Variants in TMEM131 observed in about 807,000 individuals in gnomAD.
The protein encoded by TMEM131 is 2610524E03Rik.
Under a neutral mutation model 211.6 loss-of-function variants are expected in TMEM131, and 66 were observed. The observed-to-expected ratio is 0.31, with a 90% CI of 0.26 to 0.38. TMEM131 has a LOEUF of 0.38. Among genes scored for constraint, TMEM131 ranks in the 10% least tolerant of loss-of-function variants. The pLI, the probability that TMEM131 is intolerant of heterozygous loss-of-function variation, is 1.00. For synonymous variants in TMEM131, 844 were observed against 841.3 expected (o/e 1.00, Z -0.06); for missense variants, 2,036 against 2,299.3 (o/e 0.89, Z 2.34).
At chr2:97,985,947 T>TA (rs775947154) in intron 1 of TMEM131, among the ~76,000 whole-genome samples, 253 of 137,618 alleles carry the variant, frequency 1.8e-3, no homozygotes, top group African/African-American at 4.9e-3. Context: ...AGAAACCATT[T>TA]AAAAAAAAAA....
chr2:97,953,444 A>C (rs1439995203), intron 1 of TMEM131, among the ~76,000 whole-genome samples: 2 of 152,244 alleles, frequency 1.3e-5, no homozygotes, highest in African/African-American at 4.8e-5. Flanking sequence ...AGAGACAAAG[A>C]CATTACATAA....
intron 1 of TMEM131, among the ~76,000 whole-genome samples, chr2:97,946,416 A>G (rs1678045575): frequency 6.6e-6 from 1 of 151,998 alleles, no homozygotes; most frequent in African/African-American, 2.4e-5. Context: ...AAGAAATGAG[A>G]GACTGAATAC....
rs1573524635 is a variant in TMEM131 at position 97,895,373 on chromosome 2, T to C, written c.291-7253A>G. Among the ~76,000 whole-genome samples, 11 of 152,104 alleles carry C rather than the reference T, an allele frequency of 7.2e-5. No homozygotes were observed. In the South Asian group the frequency reaches 2.1e-3, roughly 29 times the overall value. On this transcript the variant is annotated intron_variant, in intron 3 of 40. Transcript: ENST00000186436. ...CTGCCAGGTTTTGGATCAGACGATG[T>C]TGGCCTCATAAAATGAGTTAAGGAG... is the stretch of plus-strand genomic sequence containing the variant.
intron 33 of TMEM131, among the ~76,000 whole-genome samples, chr2:97,770,363 G>C (rs1187756674): frequency 6.6e-6 from 1 of 152,226 alleles, no homozygotes; most frequent in Admixed American, 6.5e-5. Context: ...AAGGAGGATA[G>C]AAGAAAGGTT....
At chr2:97,988,383 C>G (rs1020692024) in intron 1 of TMEM131, among the ~76,000 whole-genome samples, 1 of 152,124 alleles carries the variant, frequency 6.6e-6, no homozygotes, top group Non-Finnish European at 1.5e-5. Context: ...GGAAAAAGTT[C>G]ATGACATTGG....
At chr2:97,783,505 A>C (rs1336506749) in intron 31 of TMEM131, among the ~76,000 whole-genome samples, 1 of 152,120 alleles carries the variant, frequency 6.6e-6, no homozygotes, top group Non-Finnish European at 1.5e-5. Context: ...AACTGGGGGA[A>C]AGCAAAGAAA....
intron 1 of TMEM131, among the ~76,000 whole-genome samples, chr2:97,949,548 C>T (rs1411675242): frequency 6.6e-6 from 1 of 152,076 alleles, no homozygotes; most frequent in Non-Finnish European, 1.5e-5. Flanking sequence ...GGCGTGGTGG[C>T]TCACGCCTGT....
chr2:97,809,585 C>T (rs1681457594), intron 19 of TMEM131, 103 bp downstream of exon 19: 3 of 770,334 alleles, frequency 3.9e-6, no homozygotes, highest in Admixed American at 2.3e-5. Context: ...AAATAAATGA[C>T]TAATAAAGAA....
Position 97,795,089 on chromosome 2 carries a change from C to G in TMEM131, c.3227G>C (p.Arg1076Thr). 1 of 1,612,808 alleles carries G rather than the reference C, an allele frequency of 6.2e-7. No homozygotes were observed. Among genetic ancestry groups the G allele is most frequent in the Non-Finnish European group, 8.5e-7 (1 of 1,179,412 alleles). The change falls in exon 29 of 41, where the codon AGA (arginine) becomes ACA (threonine). Residue 1076 changes from arginine to threonine, a missense_variant. By Grantham distance (71) the Arg-to-Thr change is moderately conservative (BLOSUM62 -1). This residue lies in a region of TMEM131 where 1,623 missense variants were observed against 1,805.9 expected (regional missense o/e 0.90). Coordinates refer to ENST00000186436, the MANE Select transcript of TMEM131 (RefSeq NM_015348.2). The stretch of plus-strand genomic sequence containing the variant: ...TATAAACTTCAGTTCCCGAATAACT[C>G]TAGAAGCTGTAAAATCAGGAGTAAA... ...ILFTPDFTASRVIRELKFITT... is the reference protein window; with the variant it reads ...ILFTPDFTASTVIRELKFITT...
chr2:97,771,276 AGG>A (rs1407368020), intron 33 of TMEM131, among the ~76,000 whole-genome samples: 5 of 152,218 alleles, frequency 3.3e-5, no homozygotes, highest in Non-Finnish European at 5.9e-5. Flanking sequence ...TCATAAATTC[AGG>A]GACAAGGTTA....
intron 1 of TMEM131, among the ~76,000 whole-genome samples, chr2:97,978,131 G>A (rs527784792): frequency 6.6e-6 from 1 of 152,168 alleles, no homozygotes; most frequent in East Asian, 1.9e-4. Context: ...AAACAGCAAT[G>A]AAGTTTGCTG....
intron 27 of TMEM131, 59 bp from the exon 28 acceptor site, chr2:97,796,463 A>C (rs1559365127): frequency 9.7e-7 from 1 of 1,034,052 alleles, no homozygotes; most frequent in Non-Finnish European, 1.4e-6. Context: ...TCCCAGTCCA[A>C]ATGATAAATA....
intron 1 of TMEM131, among the ~76,000 whole-genome samples, chr2:97,933,319 T>C (rs931168259): frequency 6.6e-6 from 1 of 152,192 alleles, no homozygotes; most frequent in African/African-American, 2.4e-5. Context: ...TGATATATGC[T>C]ACAACATGGA....
chr2:97,911,298 G>A (rs908756149), intron 2 of TMEM131, among the ~76,000 whole-genome samples: 5 of 152,104 alleles, frequency 3.3e-5, no homozygotes, highest in East Asian at 3.8e-4. Flanking sequence ...GATAAGGAGC[G>A]TAAAGGGATT....
At chr2:97,811,685 C>A (rs1470498650) in intron 17 of TMEM131, among the ~76,000 whole-genome samples, 1 of 152,198 alleles carries the variant, frequency 6.6e-6, no homozygotes, top group Admixed American at 6.5e-5. Context: ...AACAAAACAC[C>A]AGACCTATGG....
intron 5 of TMEM131, among the ~76,000 whole-genome samples, chr2:97,847,418 T>C (rs1559398550): frequency 2.0e-5 from 3 of 152,146 alleles, no homozygotes; most frequent in Non-Finnish European, 4.4e-5. Context: ...ATTCTAATTT[T>C]TAAAAACGTA....
intron 1 of TMEM131, among the ~76,000 whole-genome samples, chr2:97,947,734 T>A (rs534336502): frequency 1.0e-3 from 158 of 152,062 alleles, no homozygotes; most frequent in Non-Finnish European, 1.7e-3. Context: ...CCCAAAATAG[T>A]AAAAAGAATT....
chr2:97,789,550 A>G (rs537933101), intron 31 of TMEM131, among the ~76,000 whole-genome samples: 1 of 152,370 alleles, frequency 6.6e-6, no homozygotes, highest in South Asian at 2.1e-4. Flanking sequence ...AAGGGAGCGG[A>G]GTCAAGATAT....
intron 7 of TMEM131, among the ~76,000 whole-genome samples, chr2:97,839,731 T>A (rs1316292204): frequency 6.6e-6 from 1 of 152,250 alleles, no homozygotes; most frequent in African/African-American, 2.4e-5. Context: ...AGCTATCAGC[T>A]ACATGTGGTT....
Sources: allele counts gnomAD v4.1 joint callset (sites outside exome capture counted in the v4.1 genomes callset), GRCh38; gene constraint gnomAD v4.1.1; regional missense constraint gnomAD v4.1.1; transcripts MANE v1.5; gene names NCBI Gene and HGNC (gene_info 2026-07-23, HGNC 2026-07-21).